DIO2: variants seen among roughly 807,000 people sequenced by gnomAD.
DIO2 encodes the protein iodothyronine deiodinase 2, also known as type II iodothyronine deiodinase.
A neutral mutation model predicts 21.4 loss-of-function variants in DIO2; 19 were observed. That is an observed-to-expected ratio of 0.89 (90% CI 0.62 to 1.30). The LOEUF is 1.30. Among genes scored for constraint, DIO2 ranks in the 50% most tolerant of loss-of-function variants. The pLI, the probability that DIO2 is intolerant of heterozygous loss-of-function variation, is 0.00. For missense variants in DIO2, 302 were observed against 338.1 expected, an observed-to-expected ratio of 0.89 and a Z score of 0.84; for synonymous variants, 122 against 132.9, an observed-to-expected ratio of 0.92 and a Z score of 0.57.
upstream of DIO2, among the ~76,000 whole-genome samples, chr14:80,213,954 C>T (rs1023260399): frequency 1.3e-5 from 2 of 152,324 alleles, no homozygotes; most frequent in African/African-American, 4.8e-5. Context: ...ATTACACCTT[C>T]CCTATGACTA....
At chr14:80,203,497 TC>T (rs142646810) in intron 1 of DIO2, among the ~76,000 whole-genome samples, 1 of 152,276 alleles carries the variant, frequency 6.6e-6, no homozygotes, top group Non-Finnish European at 1.5e-5. Flanking sequence ...ACAATAAAAG[TC>T]TTTTTCATTC....
chr14:80,209,759 C>G (rs1039410715), intron 1 of DIO2, among the ~76,000 whole-genome samples: 1 of 152,104 alleles, frequency 6.6e-6, no homozygotes, highest in Non-Finnish European at 1.5e-5. Flanking sequence ...ACATTTTTAA[C>G]AACAATAAAC....
chr14:80,206,256 A>G (rs747497023), intron 1 of DIO2: 8 of 1,576,306 alleles, frequency 5.1e-6, no homozygotes, highest in African/African-American at 1.4e-5. Flanking sequence ...ATGTGAGTAG[A>G]CCAGTAGTCT....
At chr14:80,222,682 A>G (rs1005177421) in intron 2 of DIO2, among the ~76,000 whole-genome samples, 2 of 152,184 alleles carry the variant, frequency 1.3e-5, no homozygotes, top group Admixed American at 1.3e-4. Flanking sequence ...ATCTTGTGCC[A>G]TATGAACTAC....
Position 80,202,237 on chromosome 14 carries a change from G to A in DIO2, c.*452C>T. ...CCACATGGCCTGGGTTCAAGGACTT[G>A]TTGTAATATTTGGGAATTTTCCAAC... On this transcript the variant is annotated 3_prime_UTR_variant, in exon 2 of 2. Transcript: ENST00000438257. The A allele has an allele frequency of 2.0e-6, 1 of 507,084 alleles. No individual in the cohort carries two copies. The highest frequency in any genetic ancestry group is 3.9e-6 in the Non-Finnish European group (1 of 254,574). 31.4% of individuals were successfully genotyped at this position (507,084 alleles called of 1,614,324 possible).
intron 1 of DIO2, among the ~76,000 whole-genome samples, chr14:80,210,724 A>G (rs1888145198): frequency 6.6e-6 from 1 of 152,118 alleles, no homozygotes; most frequent in African/African-American, 2.4e-5. Context: ...TCTACCAGAA[A>G]CCAAGCAGCT....
chr14:80,215,472 C>T (rs1888328893), upstream of DIO2, among the ~76,000 whole-genome samples: 1 of 152,098 alleles, frequency 6.6e-6, no homozygotes, highest in African/African-American at 2.4e-5. Context: ...TTACTATTTC[C>T]TTATTCTTAT....
In DIO2 at chr14:80,199,338, G is replaced by A. The variant is rs558855380; in HGVS notation, c.*3351C>T. The A allele has an allele frequency of 5.3e-5, 8 of 152,176 alleles. No individual in the cohort carries two copies. Among genetic ancestry groups the A allele is most frequent in the Non-Finnish European group, 1.2e-4 (8 of 68,036 alleles). The allele number at this position is 152,176 out of a possible 1,614,324, so 9.4% of individuals were successfully genotyped here. On this transcript the variant is annotated 3_prime_UTR_variant, in exon 2 of 2. Coordinates refer to ENST00000438257, the MANE Select transcript of DIO2 (RefSeq NM_013989.5). ...TGGTTAACGGGAGAAGAACTTAACT[G>A]AACAGATCACTGGGAAGTTGATACT...
chr14:80,203,849 G>A (rs1263636232), intron 1 of DIO2, among the ~76,000 whole-genome samples: 1 of 152,178 alleles, frequency 6.6e-6, no homozygotes, highest in African/African-American at 2.4e-5. Context: ...AAAACCTGAG[G>A]TCTACCACTT....
At chr14:80,211,631 T>C (rs1255971576), upstream of DIO2, 2 of 602,748 alleles carry the variant, frequency 3.3e-6, no homozygotes, top group African/African-American at 1.9e-5. Flanking sequence ...GAAGCCCAAG[T>C]TGTCTCCTCT....
intron 2 of DIO2, among the ~76,000 whole-genome samples, chr14:80,228,245 G>C (rs192197838): frequency 5.3e-5 from 8 of 152,364 alleles, no homozygotes; most frequent in African/African-American, 1.9e-4. Flanking sequence ...GGTCTTGCCA[G>C]CTGAAAGCAA....
At chr14:80,218,376 T>G (rs1888397980) in intron 2 of DIO2, among the ~76,000 whole-genome samples, 1 of 152,160 alleles carries the variant, frequency 6.6e-6, no homozygotes, top group Non-Finnish European at 1.5e-5. Context: ...ACTTTATGGG[T>G]GGGTTCTTTG....
At chr14:80,220,367 G>A (rs988446446) in intron 2 of DIO2, among the ~76,000 whole-genome samples, 7 of 152,256 alleles carry the variant, frequency 4.6e-5, no homozygotes, top group African/African-American at 1.7e-4. Flanking sequence ...GTGTTACAGA[G>A]CATGGGAACT....
intron 2 of DIO2, among the ~76,000 whole-genome samples, chr14:80,223,897 C>A (rs912222618): frequency 2.6e-5 from 4 of 152,302 alleles, no homozygotes; most frequent in African/African-American, 7.2e-5. Context: ...TTGTGACCAA[C>A]CTTGATTAAA....
rs924301104 is a variant in DIO2, at chr14:80,218,798, T to C, written c.-277-2061A>G. Among the ~76,000 whole-genome samples, 7 of 151,964 alleles carry C rather than the reference T, an allele frequency of 4.6e-5. No homozygotes were observed. The East Asian group carries it at 1.2e-3, about 25-fold the overall frequency. ...TTCGAGACCAGCCTGGCCAACATGA[T>C]GAAACCCCATCTGTACTTAAAATAC... On this transcript the variant is annotated intron_variant, in intron 2 of 4. Transcript: ENST00000553594.
At chr14:80,224,325 C>T (rs1040799153) in intron 2 of DIO2, among the ~76,000 whole-genome samples, 2 of 152,170 alleles carry the variant, frequency 1.3e-5, no homozygotes, top group East Asian at 1.9e-4. Context: ...CTCCAACCAA[C>T]AGATACTAAA....
At chr14:80,220,873 A>C (rs1042908023) in intron 2 of DIO2, among the ~76,000 whole-genome samples, 8 of 152,196 alleles carry the variant, frequency 5.3e-5, no homozygotes, top group Non-Finnish European at 1.2e-4. Context: ...ATCTCAAGAA[A>C]GAGGTAGACA....
rs1237290682 is a variant in DIO2, at chr14:80,211,279, T to C, written c.194A>G (p.Lys65Arg). The change falls in exon 1 of 2, where the codon AAG (lysine) becomes AGG (arginine). Residue 65 changes from lysine (K) to arginine (R), a missense_variant. By Grantham distance (26) the Lys-to-Arg change is conservative. Transcript: ENST00000438257. ...TTTGTAGGCATCGAGGAGGAAGCTC[T>C]TCCAGACGCAGCGCAGTCCCTCTGA... ...LTSEGLRCVW[K>R]SFLLDAYKQV... is the part of the protein sequence containing the mutation. 6.2e-7 allele frequency: 1 copy of C among 1,612,474 alleles called. No homozygotes were observed. The highest frequency in any genetic ancestry group is 8.5e-7 in the Non-Finnish European group (1 of 1,179,828).
At chr14:80,217,955 G>A (rs1419333650) in intron 2 of DIO2, among the ~76,000 whole-genome samples, 1 of 152,184 alleles carries the variant, frequency 6.6e-6, no homozygotes, top group African/African-American at 2.4e-5. Context: ...TATTTCTGGG[G>A]CCATACAGGC....
Sources: gnomAD v4.1 joint callset for allele counts (sites outside exome capture counted in the v4.1 genomes callset) on GRCh38, gnomAD v4.1.1 for gene constraint, MANE v1.5 for transcripts, NCBI Gene and HGNC (gene_info 2026-07-23, HGNC 2026-07-21) for gene names.